Variants in ANK3 observed in about 807,000 individuals in gnomAD.
The protein encoded by ANK3 is ankyrin 3.
In ANK3, 57 loss-of-function variants were observed where a neutral mutation model predicts 370.9. The ratio of observed to expected loss-of-function variants is 0.15; its 90% CI spans 0.12 to 0.19. The LOEUF (loss-of-function observed/expected upper bound fraction) is 0.19, where lower values mean the gene tolerates loss of function less well. ANK3 is among the 10% of genes least tolerant of loss of function. The probability of loss-of-function intolerance (pLI) is 1.00; values close to 1 mark genes in which losing one functional copy is unlikely to be tolerated. For missense variants in ANK3, 4,439 were observed against 5,302.1 expected, an observed-to-expected ratio of 0.84 and a Z score of 5.06; for synonymous variants, 1,929 against 1,946.3, an observed-to-expected ratio of 0.99 and a Z score of 0.23.
chr10:60,324,081 G>C (rs1329982937), intron 1 of ANK3, among the ~76,000 whole-genome samples: 2 of 152,320 alleles, frequency 1.3e-5, no homozygotes, highest in South Asian at 4.1e-4. Flanking sequence ...GTAGTAACTA[G>C]AAGAAGACAG....
intron 36 of ANK3, among the ~76,000 whole-genome samples, chr10:60,078,868 C>T (rs2084432537): frequency 6.6e-6 from 1 of 152,136 alleles, no homozygotes; most frequent in African/African-American, 2.4e-5. Context: ...AAACTTCGCT[C>T]CTCTTCTACC....
intron 1 of ANK3, among the ~76,000 whole-genome samples, chr10:60,363,253 A>C (rs1381265618): frequency 6.6e-6 from 1 of 152,282 alleles, no homozygotes; most frequent in East Asian, 1.9e-4. Flanking sequence ...GCAGCATGGA[A>C]CGAAGGGAGC....
intron 7 of ANK3, among the ~76,000 whole-genome samples, chr10:60,236,873 T>A (rs1195451537): frequency 6.6e-6 from 1 of 152,218 alleles, no homozygotes; most frequent in Non-Finnish European, 1.5e-5. Flanking sequence ...GGCCATACAG[T>A]CTCTTGCATC....
At chr10:60,434,876 T>C (rs1206344113) in intron 2 of ANK3, among the ~76,000 whole-genome samples, 1 of 152,252 alleles carries the variant, frequency 6.6e-6, no homozygotes, top group Non-Finnish European at 1.5e-5. Flanking sequence ...ATGTAAAAAT[T>C]TGTTTTATGT....
intron 2 of ANK3, among the ~76,000 whole-genome samples, chr10:60,603,157 C>T (rs1428376360): frequency 6.6e-6 from 1 of 152,106 alleles, no homozygotes; most frequent in Non-Finnish European, 1.5e-5. Flanking sequence ...GTTCATTCTC[C>T]ACTTTTCTAT....
chr10:60,500,642 G>A lies in ANK3; in HGVS notation c.96+114544C>T, dbSNP rs993962318. Among the ~76,000 whole-genome samples, 3 of 152,258 alleles carry A rather than the reference G, an allele frequency of 2.0e-5. No homozygotes were observed. The East Asian group carries it at 5.8e-4, about 29-fold the overall frequency. On this transcript the variant is annotated intron_variant, in intron 2 of 43. Coordinates refer to the ANK3 transcript ENST00000373827. ...CTCCAAGTGTTTTAAGAGGATCACT[G>A]GCACAGAAGCAACTGGGATAATGTT... is the stretch of plus-strand genomic sequence containing the variant.
chr10:60,333,340 C>T (rs2051872509), intron 1 of ANK3, among the ~76,000 whole-genome samples: 1 of 152,048 alleles, frequency 6.6e-6, no homozygotes, highest in Non-Finnish European at 1.5e-5. Flanking sequence ...TGATGCTCCC[C>T]TCCCTGTGCC....
At chr10:60,664,694 C>A (rs147556971) in intron 1 of ANK3, among the ~76,000 whole-genome samples, 1 of 152,098 alleles carries the variant, frequency 6.6e-6, no homozygotes, top group African/African-American at 2.4e-5. Context: ...AAAATTCTAA[C>A]AATGACCTCC....
intron 2 of ANK3, among the ~76,000 whole-genome samples, chr10:60,563,957 C>G (rs554550754): frequency 6.6e-6 from 1 of 152,262 alleles, no homozygotes; most frequent in African/African-American, 2.4e-5. Flanking sequence ...CATCCAATCT[C>G]TCCTTACAAA....
At chr10:60,298,191 T>C (rs1346055124) in intron 1 of ANK3, among the ~76,000 whole-genome samples, 7 of 152,194 alleles carry the variant, frequency 4.6e-5, no homozygotes, top group African/African-American at 9.6e-5. Flanking sequence ...TCTAGGTTTT[T>C]TTCATGAGCA....
chr10:60,303,841 T>A (rs545506671), intron 1 of ANK3, among the ~76,000 whole-genome samples: 1 of 151,976 alleles, frequency 6.6e-6, no homozygotes, highest in Non-Finnish European at 1.5e-5. Flanking sequence ...AGAACTAAAT[T>A]GTCTGTTGAC....
intron 1 of ANK3, among the ~76,000 whole-genome samples, chr10:60,681,715 T>C (rs748909612): frequency 3.9e-5 from 6 of 152,144 alleles, no homozygotes; most frequent in Non-Finnish European, 5.9e-5. Context: ...TGTACACTAG[T>C]ATGTCTCCAG....
At chr10:60,346,946 A>G (rs2055672456) in intron 1 of ANK3, among the ~76,000 whole-genome samples, 1 of 88,158 alleles carries the variant, frequency 1.1e-5, no homozygotes, top group Non-Finnish European at 2.8e-5. Context: ...TTGTTTCCTA[A>G]TGATTTCATA....
chr10:60,335,251 C>T (rs574793421), intron 1 of ANK3, among the ~76,000 whole-genome samples: 1 of 152,020 alleles, frequency 6.6e-6, no homozygotes, highest in East Asian at 1.9e-4. Context: ...TAATAAGAAT[C>T]TTAAAGACAA....
rs534064820 is a variant in ANK3, at chr10:60,493,774, A to G, written c.96+121412T>C. ...AGAGATGTAAGAACTATCATTACAC[A>G]TAAAGGTGGTTAAGACACAGAATTG... On this transcript the variant is annotated intron_variant, in intron 2 of 43. Transcript: ENST00000373827. Among the ~76,000 whole-genome samples the G allele has an allele frequency of 2.0e-5, 3 of 152,214 alleles. No homozygotes were observed. The East Asian group carries it at 5.8e-4, about 29-fold the overall frequency.
chr10:60,623,824 T>C (rs555208340), intron 1 of ANK3, among the ~76,000 whole-genome samples: 1 of 152,196 alleles, frequency 6.6e-6, no homozygotes, highest in Non-Finnish European at 1.5e-5. Context: ...TTGTTCTCTT[T>C]GGGGCTATAG....
intron 25 of ANK3, among the ~76,000 whole-genome samples, chr10:60,115,217 C>A (rs892313007): frequency 6.6e-6 from 1 of 152,176 alleles, no homozygotes; most frequent in African/African-American, 2.4e-5. Flanking sequence ...AATAAGGATG[C>A]TGGTGTGCTG....
At chr10:60,100,234 G>GTTTTTTTTTTGTTTT (rs2090969964) in intron 28 of ANK3, among the ~76,000 whole-genome samples, 1 of 57,898 alleles carries the variant, frequency 1.7e-5, no homozygotes, top group African/African-American at 8.5e-5. Flanking sequence ...TTTTGCTATG[G>GTTTTTTTTTTGTTTT]TTTTTTTTTT....
chr10:60,285,196 G>A (rs1191879357), intron 1 of ANK3, among the ~76,000 whole-genome samples: 1 of 152,036 alleles, frequency 6.6e-6, no homozygotes, highest in South Asian at 2.1e-4. Context: ...TGTCAAATGA[G>A]AATAAAATAA....
Sources: gnomAD v4.1 joint callset for allele counts (sites outside exome capture counted in the v4.1 genomes callset) on GRCh38, gnomAD v4.1.1 for gene constraint, MANE v1.5 for transcripts, NCBI Gene and HGNC (gene_info 2026-07-23, HGNC 2026-07-21) for gene names.